Variants in MGMT observed in about 807,000 individuals in gnomAD.
MGMT encodes methylated-DNA--protein-cysteine methyltransferase.
Under a neutral mutation model 15.9 loss-of-function variants are expected in MGMT, and 14 were observed. That is an observed-to-expected ratio of 0.88 (90% confidence interval 0.58 to 1.37). The LOEUF (loss-of-function observed/expected upper bound fraction) is 1.37, where lower values mean the gene tolerates loss of function less well. Ranked by LOEUF, MGMT falls within the 40% of genes most tolerant of loss-of-function variation. MGMT has a pLI of 0.00. For synonymous variants in MGMT, 130 were observed against 118.2 expected, an observed-to-expected ratio of 1.10 and a Z score of -0.65; for missense variants, 282 against 268.1, an observed-to-expected ratio of 1.05 and a Z score of -0.36.
rs914130655 is a variant in MGMT at position 129,536,459 on chromosome 10, T to C, written c.125+82T>C. ...ATATGTGATAACGGCATGTTTTCCATTGATGGCAGGGTAACGCATAGCCTT... is the reference window on the plus strand; with the variant it reads ...ATATGTGATAACGGCATGTTTTCCACTGATGGCAGGGTAACGCATAGCCTT... On this transcript the variant is annotated intron_variant, in intron 2 of 4. Transcript: ENST00000651593. 4.6e-6 allele frequency: 7 copies of C among 1,525,796 alleles called. No homozygotes were observed. The African/African-American group carries it at 9.8e-5, about 21-fold the overall frequency. 94.5% of individuals were successfully genotyped at this position (1,525,796 alleles called of 1,614,324 possible). A position where few individuals can be genotyped will look rare whatever the true frequency, so the allele number is the denominator to read the frequency against.
intron 2 of MGMT, among the ~76,000 whole-genome samples, chr10:129,578,340 A>C (rs1038669298): frequency 4.6e-5 from 7 of 152,362 alleles, no homozygotes; most frequent in African/African-American, 1.7e-4. Flanking sequence ...ACACCATGGA[A>C]TACTATGCAG....
At chr10:129,473,416 TCAC>T (rs1845254217) in intron 1 of MGMT, among the ~76,000 whole-genome samples, 1 of 152,190 alleles carries the variant, frequency 6.6e-6, no homozygotes, top group Admixed American at 6.5e-5. Flanking sequence ...TAGGAAAGGC[TCAC>T]CACCACCCCA....
intron 2 of MGMT, among the ~76,000 whole-genome samples, chr10:129,567,419 G>T (rs1056258414): frequency 1.1e-4 from 16 of 152,096 alleles, no homozygotes; most frequent in African/African-American, 3.9e-4. Context: ...TGTGGGTAGC[G>T]TAGCAAGTGC....
intron 1 of MGMT, chr10:129,467,551 C>G (rs1845182922): frequency 1.8e-6 from 1 of 540,716 alleles, no homozygotes; most frequent in Non-Finnish European, 2.4e-6. Context: ...GGGGTCGTGG[C>G]AGCCCCTGCC....
intron 1 of MGMT, among the ~76,000 whole-genome samples, chr10:129,529,777 C>T (rs10764888): frequency 0.63 from 96,350 of 152,042 alleles, 30,923 homozygotes; most frequent in East Asian, 0.96. Flanking sequence ...TGTTTGCCAT[C>T]GTTTTTCTAC....
chr10:129,705,102 G>C (rs547162992), intron 2 of MGMT, among the ~76,000 whole-genome samples: 263 of 152,342 alleles, frequency 1.7e-3, no homozygotes, highest in African/African-American at 6.0e-3. Context: ...CGTGGGCTTG[G>C]TCATGGTGTC....
chr10:129,709,352 C>T (rs948758089), intron 3 of MGMT, among the ~76,000 whole-genome samples: 1 of 152,230 alleles, frequency 6.6e-6, no homozygotes, highest in African/African-American at 2.4e-5. Context: ...GGGGACCTTG[C>T]TCACTGTGCA....
At chr10:129,753,448 A>G (rs896977944) in intron 3 of MGMT, among the ~76,000 whole-genome samples, 1 of 152,106 alleles carries the variant, frequency 6.6e-6, no homozygotes, top group Non-Finnish European at 1.5e-5. Context: ...CTGTAACTCC[A>G]GTGACATAAA....
intron 1 of MGMT, among the ~76,000 whole-genome samples, chr10:129,507,459 A>G (rs1258425258): frequency 1.3e-5 from 2 of 149,368 alleles, no homozygotes; most frequent in African/African-American, 5.2e-5. Context: ...AGGCAGGGCC[A>G]GGCTCACTGG....
At chr10:129,731,309 A>G (rs547901287) in intron 3 of MGMT, among the ~76,000 whole-genome samples, 4 of 151,594 alleles carry the variant, frequency 2.6e-5, no homozygotes, top group African/African-American at 9.7e-5. Context: ...TTTTGATGAT[A>G]AGGGCTATAT....
intron 2 of MGMT, among the ~76,000 whole-genome samples, chr10:129,558,161 C>T (rs1043550461): frequency 2.6e-5 from 4 of 152,190 alleles, no homozygotes; most frequent in South Asian, 4.1e-4. Flanking sequence ...ACTTGCGCTT[C>T]GGAGTCTTTT....
intron 2 of MGMT, chr10:129,563,988 A>G (rs1291114660): frequency 6.6e-6 from 1 of 152,390 alleles, no homozygotes; most frequent in African/African-American, 2.4e-5. Context: ...GGAAGTAGCC[A>G]GAGGTGGTGG....
At chr10:129,597,741 A>G (rs1846767724) in intron 2 of MGMT, among the ~76,000 whole-genome samples, 1 of 152,220 alleles carries the variant, frequency 6.6e-6, no homozygotes, top group Non-Finnish European at 1.5e-5. Context: ...TGTAGGAAAT[A>G]AAGAGACTAT....
At chr10:129,508,810 G>A (rs1845651699) in intron 1 of MGMT, among the ~76,000 whole-genome samples, 1 of 152,080 alleles carries the variant, frequency 6.6e-6, no homozygotes, top group African/African-American at 2.4e-5. Context: ...GCCTCCCAAA[G>A]TGCTGGGATT....
At chr10:129,615,457 C>T (rs1847014075) in intron 2 of MGMT, among the ~76,000 whole-genome samples, 1 of 152,178 alleles carries the variant, frequency 6.6e-6, no homozygotes, top group Admixed American at 6.5e-5. Context: ...CAGATCATCT[C>T]CAGAGTCATC....
At chr10:129,472,047 A>G (rs527792974) in intron 1 of MGMT, among the ~76,000 whole-genome samples, 1 of 152,292 alleles carries the variant, frequency 6.6e-6, no homozygotes, top group African/African-American at 2.4e-5. Flanking sequence ...AGCACGGGCA[A>G]CCCGTATCAT....
chr10:129,640,253 A>G (rs750000495), intron 2 of MGMT, among the ~76,000 whole-genome samples: 13 of 152,092 alleles, frequency 8.5e-5, no homozygotes, highest in South Asian at 6.2e-4. Context: ...GAGCACCACC[A>G]TGCCCACCTA....
rs928418285 is a variant in MGMT, at chr10:129,658,434, G to A, written c.126-49461G>A. Among the ~76,000 whole-genome samples the A allele has an allele frequency of 8.5e-5, 13 of 152,234 alleles. No homozygotes were observed. In the South Asian group the frequency reaches 1.2e-3, roughly 15 times the overall value. On this transcript the variant is annotated intron_variant, in intron 2 of 4. Transcript: ENST00000651593. Reference sequence around the variant, plus strand: ...TCAGAGCACGCCTGGTATGCACTGCGTTAGCTTGCCAGTATTTCTTAGAGA... The same window carrying A: ...TCAGAGCACGCCTGGTATGCACTGCATTAGCTTGCCAGTATTTCTTAGAGA...
chr10:129,590,305 G>A (rs1428415363), intron 2 of MGMT, among the ~76,000 whole-genome samples: 3 of 152,172 alleles, frequency 2.0e-5, no homozygotes, highest in Non-Finnish European at 4.4e-5. Context: ...AGCACATTTA[G>A]TAAACCAAGA....
Sources: gnomAD v4.1 joint callset for allele counts (sites outside exome capture counted in the v4.1 genomes callset) on GRCh38, gnomAD v4.1.1 for gene constraint, MANE v1.5 for transcripts, NCBI Gene and HGNC (gene_info 2026-07-23, HGNC 2026-07-21) for gene names.